The following MOV10 variants were observed in gnomAD, a reference collection of about 807,000 sequenced individuals.
MOV10 encodes the protein Mov10 RNA helicase.
Under a neutral mutation model 108.4 loss-of-function variants are expected in MOV10, and 39 were observed. The ratio of observed to expected loss-of-function variants is 0.36; its 90% confidence interval spans 0.28 to 0.47. The LOEUF is 0.47. Ranked by LOEUF, MOV10 falls within the 20% of genes least tolerant of loss-of-function variation. The pLI is 1.00. For synonymous variants in MOV10, 490 were observed against 523.1 expected, an observed-to-expected ratio of 0.94 and a Z score of 0.86; for missense variants, 952 against 1,297.6, an observed-to-expected ratio of 0.73 and a Z score of 4.09.
intron 2 of MOV10, among the ~76,000 whole-genome samples, chr1:112,683,029 C>T (rs1156473812): frequency 1.3e-5 from 2 of 151,320 alleles, no homozygotes; most frequent in African/African-American, 4.9e-5. Context: ...AAGCAATTCT[C>T]CCGCCTCAGC....
At chr1:112,681,468 C>T (rs1040292217) in intron 2 of MOV10, among the ~76,000 whole-genome samples, 6 of 152,010 alleles carry the variant, frequency 3.9e-5, no homozygotes, top group South Asian at 2.1e-4. Flanking sequence ...CACACCAGCC[C>T]GGGCGACAGA....
intron 2 of MOV10, among the ~76,000 whole-genome samples, chr1:112,685,459 A>G (rs990288603): frequency 1.3e-5 from 2 of 151,994 alleles, no homozygotes; most frequent in African/African-American, 4.8e-5. Flanking sequence ...GATTGAGACC[A>G]TCCTGGCTAA....
chr1:112,691,813 C>A lies in MOV10; in HGVS notation c.971+14C>A. On this transcript the variant is annotated intron_variant, in intron 6 of 20. Transcript: ENST00000369645. ...CGCAGAGATCAAGTAAGTACCATCC[C>A]TCTGCACCCCGCACTCTCCCGTCTT... 1 of 1,608,012 alleles carries A rather than the reference C, an allele frequency of 6.2e-7. No individual in the cohort carries two copies. The highest frequency in any genetic ancestry group is 8.5e-7 in the Non-Finnish European group (1 of 1,175,118).
chr1:112,699,393 A>T (rs906836438), intron 17 of MOV10: 1 of 1,096,398 alleles, frequency 9.1e-7, no homozygotes, highest in Non-Finnish European at 1.2e-6. Context: ...GATTGTTTTC[A>T]GGAAAGTTTG....
chr1:112,698,371 G>A lies in MOV10; in HGVS notation c.2401G>A (p.Ala801Thr). 1 of 1,614,210 alleles carries A rather than the reference G, an allele frequency of 6.2e-7. No homozygotes were observed. Among genetic ancestry groups the A allele is most frequent in the Non-Finnish European group, 8.5e-7 (1 of 1,180,036 alleles). ...ATCCTTCTTCAACCCTGAAGAGGCT[G>A]CCACAGTGACTTCCTACCTGAAGCT... ...SPSFFNPEEA[A>T]TVTSYLKLLL... Residue 801 changes from alanine to threonine, a missense_variant, in exon 16 of 21, where the codon GCC becomes ACC. By Grantham distance (58) the Ala-to-Thr change is moderately conservative. Around this residue, in one of 5 missense-constraint regions of MOV10, gnomAD observed 453 missense variants for 611.5 expected, o/e 0.74. Transcript: ENST00000369645.
chr1:112,700,057 C>G, intron 19 of MOV10, 75 bp downstream of exon 19: 1 of 1,590,988 alleles, frequency 6.3e-7, no homozygotes, highest in Non-Finnish European at 8.6e-7. Flanking sequence ...TTTTTAAGCG[C>G]TTGCTTATCG....
chr1:112,675,054 G>C lies in MOV10; in HGVS notation c.137+5G>C. 6.3e-7 allele frequency: 1 copy of C among 1,590,630 alleles called. No individual in the cohort carries two copies. Among genetic ancestry groups the C allele is most frequent in the Non-Finnish European group, 8.5e-7 (1 of 1,169,692 alleles). ...TAACCGCGACTTCAAGATCAGGTAC[G>C]GGCCGGCCCACTCCCGGCCCCGAAT... On this transcript the variant is annotated splice_donor_5th_base_variant and intron_variant, in intron 2 of 20. Transcript: ENST00000369645. The surrounding 1 kb of genome is among the most constrained non-coding windows in gnomAD (Gnocchi z 4.7).
chr1:112,681,426 G>A (rs1570756401), intron 2 of MOV10, among the ~76,000 whole-genome samples: 3 of 152,042 alleles, frequency 2.0e-5, no homozygotes, highest in South Asian at 4.1e-4. Flanking sequence ...CCCGGGAGGC[G>A]GAAGTTGCAG....
At chr1:112,690,924 C>G (rs1450633050) in intron 5 of MOV10, among the ~76,000 whole-genome samples, 6 of 152,142 alleles carry the variant, frequency 3.9e-5, no homozygotes, top group Non-Finnish European at 7.3e-5. Context: ...TGGATGGAAG[C>G]GTAGGATATG....
chr1:112,698,563 A>G (rs754414435), intron 16 of MOV10, 85 bp downstream of exon 16: 44 of 1,496,292 alleles, frequency 2.9e-5, no homozygotes, highest in Non-Finnish European at 3.7e-5. Flanking sequence ...CAGAGGCTCC[A>G]GGAGCTTAGG....
At chr1:112,689,775 G>C in intron 4 of MOV10, 65 bp from the exon 5 acceptor site, 1 of 1,589,250 alleles carries the variant, frequency 6.3e-7, no homozygotes, top group Non-Finnish European at 8.6e-7. Context: ...TCCTGGGGGA[G>C]TGTCCGGGAT....
intron 14 of MOV10, among the ~76,000 whole-genome samples, chr1:112,697,458 A>G (rs1453917547): frequency 6.6e-6 from 1 of 152,188 alleles, no homozygotes; most frequent in Non-Finnish European, 1.5e-5. Flanking sequence ...TGACAGAGCG[A>G]GACTCCATCT....
chr1:112,700,585 G>A lies in MOV10; in HGVS notation c.*78G>A, dbSNP rs1456886118. The A allele has an allele frequency of 1.3e-6, 2 of 1,578,288 alleles. No homozygotes were observed. The highest frequency in any genetic ancestry group is 1.7e-6 in the Non-Finnish European group (2 of 1,162,208). Reference sequence around the variant, plus strand: ...CCCTGAACCAGAACCCAGCTGAACTGCCCCTCCAAGGGACAGGAAGGCTGG... The same window carrying A: ...CCCTGAACCAGAACCCAGCTGAACTACCCCTCCAAGGGACAGGAAGGCTGG... On this transcript the variant is annotated 3_prime_UTR_variant, in exon 21 of 21. Coordinates refer to ENST00000369645, the MANE Select transcript of MOV10 (RefSeq NM_001321324.2).
chr1:112,698,438 G>C lies in MOV10; in HGVS notation c.2468G>C (p.Ser823Thr). 1.2e-6 allele frequency: 2 copies of C among 1,614,176 alleles called. No homozygotes were observed. The highest frequency in any genetic ancestry group is 2.2e-5 in the South Asian group (2 of 91,080). Reference sequence around the variant, plus strand: ...TCCAAGAAGGGCAAAGCTCGCCTGAGCCCTCGAAGTGTGGGCGTCATCTCC... The same window carrying C: ...TCCAAGAAGGGCAAAGCTCGCCTGACCCCTCGAAGTGTGGGCGTCATCTCC... ...PSSKKGKARL[S>T]PRSVGVISPY... Residue 823 changes from serine (S) to threonine (T), a missense_variant, in exon 16 of 21, where the codon AGC becomes ACC. By Grantham distance (58) the Ser-to-Thr change is moderately conservative. Coordinates refer to ENST00000369645, the MANE Select transcript of MOV10 (RefSeq NM_001321324.2).
chr1:112,699,260 T>A, intron 17 of MOV10: 1 of 228,098 alleles, frequency 4.4e-6, no homozygotes. Context: ...GCTTCTCAGG[T>A]GATTCTAATA....
chr1:112,679,848 T>A (rs1445110285), intron 2 of MOV10, among the ~76,000 whole-genome samples: 1 of 152,126 alleles, frequency 6.6e-6, no homozygotes, highest in Admixed American at 6.5e-5. Flanking sequence ...ATTTTCTAAC[T>A]CTTGTTAGTG....
chr1:112,696,893 TC>T, intron 14 of MOV10, 47 bp downstream of exon 14: 1 of 1,469,070 alleles, frequency 6.8e-7, no homozygotes, highest in Non-Finnish European at 9.3e-7. Flanking sequence ...TGCTTTCACA[TC>T]CTGCATGCAG....
At chr1:112,685,385 G>C (rs1175543568) in intron 2 of MOV10, among the ~76,000 whole-genome samples, 1 of 151,836 alleles carries the variant, frequency 6.6e-6, no homozygotes, top group Non-Finnish European at 1.5e-5. Context: ...GGCCGGGCAC[G>C]GTGGCTCACA....
chr1:112,684,558 G>A (rs1284201658), intron 2 of MOV10, among the ~76,000 whole-genome samples: 4 of 151,964 alleles, frequency 2.6e-5, no homozygotes, highest in African/African-American at 9.7e-5. Context: ...GTGAGCCACC[G>A]TGCCCGGACA....
Sources: gnomAD v4.1 joint callset for allele counts (sites outside exome capture counted in the v4.1 genomes callset) on GRCh38, gnomAD v4.1.1 for gene constraint, gnomAD v4.1.1 regional missense constraint, Gnocchi (gnomAD v3.1) non-coding constraint, MANE v1.5 for transcripts, NCBI Gene and HGNC (gene_info 2026-07-23, HGNC 2026-07-21) for gene names.